The following ABCB1 variants were observed in gnomAD, a reference collection of about 807,000 sequenced individuals.
ABCB1 encodes ATP binding cassette subfamily B member 1.
ABCB1 carries 69 observed loss-of-function variants against 142.0 expected under a neutral mutation model. That is an observed-to-expected ratio of 0.49 (90% CI 0.40 to 0.59). ABCB1 has a LOEUF of 0.59. Ranked by LOEUF, ABCB1 falls within the 20% of genes least tolerant of loss-of-function variation. ABCB1 has a pLI of 0.00. For missense variants in ABCB1, 1,326 were observed against 1,554.7 expected (o/e 0.85, Z 2.47); for synonymous variants, 532 against 539.2 (o/e 0.99, Z 0.18).
intron 8 of ABCB1, 46 bp downstream of exon 8, chr7:87,561,217 A>G (rs1407801134): frequency 1.2e-6 from 2 of 1,607,924 alleles, no homozygotes; most frequent in Non-Finnish European, 1.7e-6. Flanking sequence ...GGCATTTGAG[A>G]AGACAGAATT....
At chr7:87,541,289 T>G (rs1235896410) in intron 18 of ABCB1, 68 bp downstream of exon 18, 1 of 1,095,078 alleles carries the variant, frequency 9.1e-7, no homozygotes, top group Non-Finnish European at 1.4e-6. Flanking sequence ...CACTGATGTT[T>G]ATAAATCCCC....
At chr7:87,615,563 C>A (rs1026946687) in intron 1 of ABCB1, among the ~76,000 whole-genome samples, 6 of 152,186 alleles carry the variant, frequency 3.9e-5, no homozygotes, top group Non-Finnish European at 7.3e-5. Flanking sequence ...GCAGAAACAG[C>A]TGGAAGCTGG....
chr7:87,564,212 C>T (rs774412681), intron 7 of ABCB1: 7 of 421,524 alleles, frequency 1.7e-5, no homozygotes, highest in East Asian at 7.3e-5. Flanking sequence ...TTACTCTAGC[C>T]GGCAGTTGTT....
Position 87,504,047 on chromosome 7 carries a change from C to G in ABCB1, c.*196G>C. The G allele has an allele frequency of 1.6e-6, 1 of 645,122 alleles. No homozygotes were observed. Among genetic ancestry groups the G allele is most frequent in the East Asian group, 2.8e-5 (1 of 36,142 alleles). The allele number at this position is 645,122 out of a possible 1,614,324, so 40.0% of individuals were successfully genotyped here. A position where few individuals can be genotyped will look rare whatever the true frequency, so the allele number is the denominator to read the frequency against. ...TATAAAATTTATAATGCAGTTTAAA[C>G]TATGATTTCTCTCCACTTGATGATG... On this transcript the variant is annotated 3_prime_UTR_variant, in exon 28 of 28. Coordinates refer to ENST00000622132, the MANE Select transcript of ABCB1 (RefSeq NM_001348946.2).
rs1740042927 is a variant in ABCB1 at position 87,561,528 on chromosome 7, C to T, written c.703-141G>A. On this transcript the variant is annotated intron_variant, in intron 7 of 27. Coordinates refer to ENST00000622132, the MANE Select transcript of ABCB1 (RefSeq NM_001348946.2). ...AATCTGTCTTTTACTTGCCTTTGGT[C>T]TGTATTAACAGCCACTGAAGTAAAC... 1.6e-5 allele frequency: 13 copies of T among 835,576 alleles called. No individual in the cohort carries two copies. In the South Asian group the frequency reaches 2.3e-4, roughly 15 times the overall value. 51.8% of individuals were successfully genotyped at this position (835,576 alleles called of 1,614,324 possible).
intron 1 of ABCB1, among the ~76,000 whole-genome samples, chr7:87,618,002 T>C (rs887198924): frequency 6.6e-6 from 1 of 152,178 alleles, no homozygotes; most frequent in African/African-American, 2.4e-5. Flanking sequence ...ACTCTTCCTC[T>C]GCCTGGATAG....
intron 21 of ABCB1, among the ~76,000 whole-genome samples, chr7:87,528,356 AAAT>A (rs1320937873): frequency 5.9e-5 from 9 of 152,180 alleles, no homozygotes; most frequent in African/African-American, 2.2e-4. Flanking sequence ...TTATGGTAGT[AAAT>A]AATAAGACGA....
At chr7:87,608,061 C>T (rs1252093699) in intron 1 of ABCB1, among the ~76,000 whole-genome samples, 1 of 152,002 alleles carries the variant, frequency 6.6e-6, no homozygotes. Context: ...GATTTGTCCT[C>T]AGAGTCTACA....
intron 1 of ABCB1, among the ~76,000 whole-genome samples, chr7:87,642,706 G>T (rs766840279): frequency 1.3e-5 from 2 of 151,998 alleles, no homozygotes; most frequent in Non-Finnish European, 2.9e-5. Flanking sequence ...TCAGCAAACT[G>T]TCTTTTTTAT....
At chr7:87,691,049 A>G (rs1827971317) in intron 1 of ABCB1, among the ~76,000 whole-genome samples, 3 of 152,182 alleles carry the variant, frequency 2.0e-5, no homozygotes. Flanking sequence ...TGATCAAAGA[A>G]ATGGAAATGA....
Position 87,667,397 on chromosome 7 carries a change from GT to G in ABCB1, c.-331+45763del, listed in dbSNP as rs202009483. Among the ~76,000 whole-genome samples, 44 of 147,332 alleles carry G rather than the reference GT, an allele frequency of 3.0e-4. No homozygotes were observed. In the South Asian group the frequency reaches 4.5e-3, roughly 15 times the overall value. On this transcript the variant is annotated intron_variant, in intron 1 of 28. Transcript: ENST00000265724. ...GGAGGAACTTTTGGGCCAAGACTAT[GT>G]TTTTTTTTTTCTAGATATAGAATCA... is the stretch of plus-strand genomic sequence containing the variant.
intron 1 of ABCB1, among the ~76,000 whole-genome samples, chr7:87,690,665 C>A (rs577274561): frequency 8.5e-5 from 13 of 152,186 alleles, no homozygotes; most frequent in African/African-American, 2.9e-4. Flanking sequence ...GAAAAATTTT[C>A]CTCCTATGTA....
chr7:87,617,005 G>A (rs1431132949), intron 1 of ABCB1, among the ~76,000 whole-genome samples: 1 of 152,192 alleles, frequency 6.6e-6, no homozygotes, highest in African/African-American at 2.4e-5. Flanking sequence ...AAGGGGAGGA[G>A]AGATGAGCTC....
chr7:87,676,431 T>G (rs1826362805), intron 1 of ABCB1, among the ~76,000 whole-genome samples: 1 of 152,114 alleles, frequency 6.6e-6, no homozygotes. Context: ...CCAGGCGCAG[T>G]GGCTCACACC....
chr7:87,661,117 T>A lies in ABCB1; in HGVS notation c.-331+52044A>T, dbSNP rs185432241. 1.5e-3 allele frequency among the ~76,000 whole-genome samples: 224 copies of A among 152,182 alleles called. 5 individuals are homozygous for A. The highest frequency in any genetic ancestry group is 0.014 in the Admixed American group (220 of 15,262). On this transcript the variant is annotated intron_variant, in intron 1 of 28. Coordinates refer to the ABCB1 transcript ENST00000265724. ...ATTTTATTCTGATAGATTACATTTT[T>A]AAAATTTTTAATTTTATGGGTACAT... is the stretch of plus-strand genomic sequence containing the variant.
chr7:87,658,682 T>C (rs1824378309), intron 1 of ABCB1, among the ~76,000 whole-genome samples: 1 of 152,198 alleles, frequency 6.6e-6, no homozygotes, highest in Non-Finnish European at 1.5e-5. Context: ...ACAGTAGATT[T>C]CTGATCAGAA....
intron 21 of ABCB1, among the ~76,000 whole-genome samples, chr7:87,529,706 G>A (rs537836966): frequency 1.3e-5 from 2 of 152,326 alleles, no homozygotes; most frequent in East Asian, 3.9e-4. Context: ...ATTAAATAAT[G>A]ACACTGTTAA....
intron 26 of ABCB1, among the ~76,000 whole-genome samples, chr7:87,506,867 C>A (rs28401817): frequency 6.6e-6 from 1 of 152,140 alleles, no homozygotes; most frequent in Non-Finnish European, 1.5e-5. Context: ...CCCTGGGTTT[C>A]CCCCTGTAAA....
chr7:87,544,037 T>G, intron 17 of ABCB1, 92 bp downstream of exon 17: 1 of 1,496,528 alleles, frequency 6.7e-7, no homozygotes, highest in Non-Finnish European at 9.3e-7. Context: ...GATTTTGTTG[T>G]TTTTGTATCC....
Sources: allele counts gnomAD v4.1 joint callset (sites outside exome capture counted in the v4.1 genomes callset), GRCh38; gene constraint gnomAD v4.1.1; transcripts MANE v1.5; gene names NCBI Gene and HGNC (gene_info 2026-07-23, HGNC 2026-07-21).